The following SMOC2 variants were observed in gnomAD, a reference collection of about 807,000 sequenced individuals.
SMOC2 encodes the protein SPARC-related modular calcium-binding protein 2.
SMOC2 carries 39 observed loss-of-function variants against 61.4 expected under a neutral mutation model. The ratio of observed to expected loss-of-function variants is 0.64; its 90% CI spans 0.49 to 0.83. The LOEUF is 0.83. Among genes scored for constraint, SMOC2 ranks in the 40% least tolerant of loss-of-function variants. The pLI is 0.00. For synonymous variants in SMOC2, 247 were observed against 239.9 expected (o/e 1.03, Z -0.27); for missense variants, 556 against 592.9 (o/e 0.94, Z 0.65).
chr6:168,645,667 C>T (rs1787007011), intron 9 of SMOC2, among the ~76,000 whole-genome samples: 1 of 152,188 alleles, frequency 6.6e-6, no homozygotes, highest in Non-Finnish European at 1.5e-5. Flanking sequence ...CGAAGTGACC[C>T]CAAGGTGCCC....
chr6:168,473,618 C>G (rs1782016672), intron 1 of SMOC2, among the ~76,000 whole-genome samples: 2 of 152,122 alleles, frequency 1.3e-5, no homozygotes, highest in Non-Finnish European at 2.9e-5. Flanking sequence ...CAGAGAAGAC[C>G]AGCGACTCTG....
intron 4 of SMOC2, among the ~76,000 whole-genome samples, chr6:168,529,064 T>C (rs1275531590): frequency 6.6e-6 from 1 of 152,234 alleles, no homozygotes; most frequent in Non-Finnish European, 1.5e-5. Context: ...CAAAGAACTT[T>C]CTTAGAAAAC....
At chr6:168,481,325 A>G (rs1245280456) in intron 1 of SMOC2, among the ~76,000 whole-genome samples, 1 of 152,140 alleles carries the variant, frequency 6.6e-6, no homozygotes, top group African/African-American at 2.4e-5. Flanking sequence ...AGCAGAATGA[A>G]CAGGGTAAAA....
intron 4 of SMOC2, among the ~76,000 whole-genome samples, chr6:168,540,585 T>C (rs1783855205): frequency 6.8e-6 from 1 of 146,020 alleles, no homozygotes; most frequent in African/African-American, 2.8e-5. Flanking sequence ...ACGTTTGTTC[T>C]GCTGCCCATG....
intron 7 of SMOC2, among the ~76,000 whole-genome samples, chr6:168,587,256 C>A (rs1340501474): frequency 1.3e-5 from 2 of 152,196 alleles, no homozygotes; most frequent in East Asian, 1.9e-4. Flanking sequence ...TAACTCCTCC[C>A]GCCCACCTTG....
At chr6:168,566,784 C>G (rs1238434786) in intron 7 of SMOC2, among the ~76,000 whole-genome samples, 1 of 152,180 alleles carries the variant, frequency 6.6e-6, no homozygotes, top group African/African-American at 2.4e-5. Context: ...CAGGCATGAG[C>G]CACTGTGCCC....
chr6:168,642,853 T>C lies in SMOC2; in HGVS notation c.908-7828T>C, dbSNP rs1014356239. Among the ~76,000 whole-genome samples the C allele has an allele frequency of 4.6e-5, 7 of 152,244 alleles. 1 individual carries two copies. The highest frequency in any genetic ancestry group is 3.9e-4 in the Admixed American group (6 of 15,284). Reference sequence around the variant, plus strand: ...AAAAGTTGGAAAGCCAAGTGTTACATGTAATGACAGGCGTCAAATGCTTAA... The same window carrying C: ...AAAAGTTGGAAAGCCAAGTGTTACACGTAATGACAGGCGTCAAATGCTTAA... On this transcript the variant is annotated intron_variant, in intron 9 of 12. Transcript: ENST00000356284.
chr6:168,539,957 A>T (rs549884706), intron 4 of SMOC2, among the ~76,000 whole-genome samples: 27 of 152,264 alleles, frequency 1.8e-4, no homozygotes, highest in Admixed American at 5.9e-4. Flanking sequence ...TGTCTGTATA[A>T]CGGGCATGAT....
chr6:168,554,750 T>C (rs1784207794), intron 7 of SMOC2, among the ~76,000 whole-genome samples: 1 of 152,230 alleles, frequency 6.6e-6, no homozygotes, highest in Non-Finnish European at 1.5e-5. Context: ...TAACACCGTG[T>C]GCCCAATTCC....
At chr6:168,500,046 C>T (rs1373810225) in intron 1 of SMOC2, among the ~76,000 whole-genome samples, 1 of 151,994 alleles carries the variant, frequency 6.6e-6, no homozygotes, top group Non-Finnish European at 1.5e-5. Flanking sequence ...GTGGCTCATG[C>T]CTGTAATCCC....
intron 7 of SMOC2, among the ~76,000 whole-genome samples, chr6:168,571,204 T>TA (rs1475374257): frequency 1.3e-5 from 2 of 152,218 alleles, no homozygotes; most frequent in Non-Finnish European, 1.5e-5. Flanking sequence ...TTTTGTTTAG[T>TA]AAAAAAGGTT....
chr6:168,457,947 A>AG (rs1491257527), intron 1 of SMOC2, among the ~76,000 whole-genome samples: 1 of 152,028 alleles, frequency 6.6e-6, no homozygotes, highest in African/African-American at 2.4e-5. Context: ...GGGGCAGCAC[A>AG]GGGGGTGGCC....
chr6:168,613,340 G>A (rs575996855), intron 9 of SMOC2, among the ~76,000 whole-genome samples: 1 of 152,274 alleles, frequency 6.6e-6, no homozygotes, highest in African/African-American at 2.4e-5. Flanking sequence ...TGGTGGTTCA[G>A]CAGTGGCACC....
At chr6:168,547,506 C>T (rs1204882302) in intron 6 of SMOC2, among the ~76,000 whole-genome samples, 3 of 151,756 alleles carry the variant, frequency 2.0e-5, no homozygotes, top group Non-Finnish European at 2.9e-5. Context: ...GCGTACAGCA[C>T]GAGGAATCTA....
rs1261102068 is a variant in SMOC2 at position 168,475,159 on chromosome 6, G to T, written c.84+33705G>T. ...GGTCTAGTGAGGAGTTTGGAATCGG[G>T]AAGATGAGTTCAAATGCCAGCCCTG... On this transcript the variant is annotated intron_variant, in intron 1 of 12. Coordinates refer to ENST00000356284, the MANE Select transcript of SMOC2 (RefSeq NM_001166412.2). This position sits in a 1 kb window ranked among gnomAD's most constrained non-coding sequence, Gnocchi z 4.6. Among the ~76,000 whole-genome samples, 1 of 152,120 alleles carries T rather than the reference G, an allele frequency of 6.6e-6. No individual in the cohort carries two copies. The highest frequency in any genetic ancestry group is 1.5e-5 in the Non-Finnish European group (1 of 68,004).
At chr6:168,619,315 A>C (rs1048702122) in intron 9 of SMOC2, among the ~76,000 whole-genome samples, 1 of 152,070 alleles carries the variant, frequency 6.6e-6, no homozygotes, top group Non-Finnish European at 1.5e-5. Context: ...GATGGAATAA[A>C]GTTTAGATTT....
intron 7 of SMOC2, among the ~76,000 whole-genome samples, chr6:168,592,180 C>T (rs1203146730): frequency 1.3e-5 from 2 of 152,220 alleles, no homozygotes; most frequent in South Asian, 2.1e-4. Context: ...TTCCCTAGTT[C>T]TCTACCCTTG....
In SMOC2 at chr6:168,666,954, G is replaced by T. The variant is rs1323583073; in HGVS notation, c.*516G>T. On this transcript the variant is annotated 3_prime_UTR_variant, in exon 13 of 13. Coordinates refer to ENST00000356284, the MANE Select transcript of SMOC2 (RefSeq NM_001166412.2). The stretch of plus-strand genomic sequence containing the variant: ...AGTTTGTCTTGTTTTGCTTTCCAGA[G>T]ATCTTGCTCATACAATGAATCACGC... 6.5e-6 allele frequency: 1 copy of T among 153,450 alleles called. No homozygotes were observed. The highest frequency in any genetic ancestry group is 2.4e-5 in the African/African-American group (1 of 41,450). The allele number at this position is 153,450 out of a possible 1,614,324, so 9.5% of individuals were successfully genotyped here.
intron 11 of SMOC2, 116 bp downstream of exon 11, chr6:168,653,344 A>G: frequency 8.1e-7 from 1 of 1,234,966 alleles, no homozygotes; most frequent in Non-Finnish European, 1.1e-6. Context: ...GCAAAAAATC[A>G]AATATGCTGT....
Sources: allele counts gnomAD v4.1 joint callset (sites outside exome capture counted in the v4.1 genomes callset), GRCh38; gene constraint gnomAD v4.1.1; non-coding constraint Gnocchi (gnomAD v3.1); transcripts MANE v1.5; gene names NCBI Gene and HGNC (gene_info 2026-07-23, HGNC 2026-07-21).